ERICH6B: variants seen among roughly 807,000 people sequenced by gnomAD.
The protein encoded by ERICH6B is glutamate-rich protein 6B.
ERICH6B carries 69 observed loss-of-function variants against 80.0 expected under a neutral mutation model. The ratio of observed to expected loss-of-function variants is 0.86; its 90% CI spans 0.71 to 1.05. The LOEUF is 1.05. Among genes scored for constraint, ERICH6B ranks in the 50% least tolerant of loss-of-function variants. The pLI, the probability that ERICH6B is intolerant of heterozygous loss-of-function variation, is 0.00. For missense variants in ERICH6B, 754 were observed against 796.1 expected, an observed-to-expected ratio of 0.95 and a Z score of 0.64; for synonymous variants, 283 against 291.9, an observed-to-expected ratio of 0.97 and a Z score of 0.31.
In ERICH6B at chr13:45,574,864, T is replaced by C; in HGVS notation, c.1028A>G (p.Glu343Gly). 2.6e-6 allele frequency: 4 copies of C among 1,551,232 alleles called. No individual in the cohort carries two copies. Among genetic ancestry groups the C allele is most frequent in the Non-Finnish European group, 3.5e-6 (4 of 1,146,682 alleles). ...TACGTTTTCATCTAAATCTTCCACT[T>C]CCAGCTTGTCAATGGACTCATCTGT... ...GITDESIDKL[E>G]VEDLDENFLN... is the part of the protein sequence containing the mutation. The change falls in exon 8 of 15, where the codon GAA becomes GGA. Residue 343 changes from glutamate to glycine, a missense_variant. By Grantham distance (98) the Glu-to-Gly change is moderately conservative. Transcript: ENST00000298738.
At chr13:45,610,857 G>GTGAGTA (rs147422113) in intron 1 of ERICH6B, among the ~76,000 whole-genome samples, 6 of 146,972 alleles carry the variant, frequency 4.1e-5, no homozygotes, top group Admixed American at 6.9e-5. Flanking sequence ...GTGTGTGTGT[G>GTGAGTA]TATATATATA....
chr13:45,566,469 G>T lies in ERICH6B; in HGVS notation c.1187+1846C>A, dbSNP rs115185084. On this transcript the variant is annotated intron_variant, in intron 9 of 14. Transcript: ENST00000298738. ...AATGGTTTCATGGGCCAGGCCCAGG[G>T]TCCCTGTGTTGTGTGCGGCCTAGGG... 8.0e-3 allele frequency among the ~76,000 whole-genome samples: 1,220 copies of T among 152,356 alleles called. 16 individuals carry two copies. The highest frequency in any genetic ancestry group is 0.028 in the African/African-American group (1,166 of 41,576).
intron 7 of ERICH6B, among the ~76,000 whole-genome samples, chr13:45,577,521 A>G (rs1875468956): frequency 6.6e-6 from 1 of 151,964 alleles, no homozygotes; most frequent in African/African-American, 2.4e-5. Context: ...TGACCTCGTG[A>G]TCTGCCGGCC....
In ERICH6B at chr13:45,575,831, C is replaced by T. The variant is rs149981260; in HGVS notation, c.962-901G>A. Among the ~76,000 whole-genome samples, 1,051 of 152,242 alleles carry T rather than the reference C, an allele frequency of 6.9e-3. 8 individuals are homozygous for T. Among genetic ancestry groups the T allele is most frequent in the South Asian group, 7.1e-3 (34 of 4,808 alleles). On this transcript the variant is annotated intron_variant, in intron 7 of 14. Transcript: ENST00000298738. Reference sequence around the variant, plus strand: ...AGCTGAATTGTGGAATTGATCAGTACAGCTTGAGCCCTCTTCCATACTCCT... The same window carrying T: ...AGCTGAATTGTGGAATTGATCAGTATAGCTTGAGCCCTCTTCCATACTCCT...
chr13:45,597,775 A>G (rs889363282), intron 2 of ERICH6B, among the ~76,000 whole-genome samples: 5 of 152,098 alleles, frequency 3.3e-5, no homozygotes, highest in Non-Finnish European at 5.9e-5. Flanking sequence ...AATTGTTTGC[A>G]CGTTTGTTCT....
At chr13:45,597,310 TG>T (rs1876440181) in intron 2 of ERICH6B, among the ~76,000 whole-genome samples, 2 of 152,286 alleles carry the variant, frequency 1.3e-5, no homozygotes, top group South Asian at 4.2e-4. Context: ...ATGAAGTCAA[TG>T]GGGAGGGCTG....
intron 11 of ERICH6B, among the ~76,000 whole-genome samples, chr13:45,559,458 G>A (rs535622992): frequency 2.0e-5 from 3 of 151,768 alleles, no homozygotes; most frequent in Non-Finnish European, 2.9e-5. Flanking sequence ...ATTAGTTCTT[G>A]TTTCTCTAGT....
intron 2 of ERICH6B, among the ~76,000 whole-genome samples, chr13:45,601,305 A>T (rs1949825704): frequency 2.0e-5 from 3 of 152,148 alleles, no homozygotes; most frequent in Admixed American, 2.0e-4. Context: ...AGTACCAGCT[A>T]CTTGGGAGGC....
intron 5 of ERICH6B, among the ~76,000 whole-genome samples, chr13:45,583,834 C>G (rs1875779770): frequency 6.6e-6 from 1 of 152,282 alleles, no homozygotes; most frequent in South Asian, 2.1e-4. Flanking sequence ...AACTGTGAGT[C>G]CATTAAACAT....
intron 2 of ERICH6B, among the ~76,000 whole-genome samples, chr13:45,599,260 C>T (rs764357099): frequency 6.6e-6 from 1 of 152,248 alleles, no homozygotes; most frequent in Non-Finnish European, 1.5e-5. Flanking sequence ...ACCGGATCTG[C>T]CTGGGGCAGG....
At chr13:45,584,220 G>C (rs1875799571) in intron 5 of ERICH6B, among the ~76,000 whole-genome samples, 1 of 152,182 alleles carries the variant, frequency 6.6e-6, no homozygotes, top group Non-Finnish European at 1.5e-5. Context: ...TTATGATCCT[G>C]CTCTGTGCCT....
chr13:45,574,677 T>G (rs1316836549), intron 8 of ERICH6B, among the ~76,000 whole-genome samples, 165 bp downstream of exon 8: 2 of 152,164 alleles, frequency 1.3e-5, no homozygotes, highest in African/African-American at 4.8e-5. Context: ...TGTTGGAGTT[T>G]CTGGGTTGCT....
At chr13:45,591,768 A>T (rs1353056985) in intron 3 of ERICH6B, among the ~76,000 whole-genome samples, 1 of 152,204 alleles carries the variant, frequency 6.6e-6, no homozygotes, top group East Asian at 1.9e-4. Flanking sequence ...CCAAAAATGC[A>T]AACAATGGCG....
chr13:45,589,086 C>A (rs1391269070), intron 4 of ERICH6B, among the ~76,000 whole-genome samples: 1 of 152,178 alleles, frequency 6.6e-6, no homozygotes, highest in African/African-American at 2.4e-5. Context: ...CTTCCCCAAC[C>A]CTTGCCTGTC....
intron 13 of ERICH6B, among the ~76,000 whole-genome samples, chr13:45,549,459 T>C (rs1411947523): frequency 6.6e-6 from 1 of 152,122 alleles, no homozygotes; most frequent in Non-Finnish European, 1.5e-5. Flanking sequence ...AATGGGAACT[T>C]AAGAACTAAC....
rs1875942717 is a variant in ERICH6B, at chr13:45,587,152, T to G, written c.767A>C (p.Glu256Ala). 2 of 1,551,586 alleles carry G rather than the reference T, an allele frequency of 1.3e-6. No individual in the cohort carries two copies. The highest frequency in any genetic ancestry group is 2.7e-5 in the African/African-American group (2 of 73,112). ...CAACTCAGAAGACTCTGTGGCAGAT[T>G]CAGAGACAGGAGAAGGGGTAGCGAA... is the stretch of plus-strand genomic sequence containing the variant. The part of the protein sequence containing the change: ...LTFATPSPVS[E>A]SATESSELLL... The change falls in exon 5 of 15, where the codon GAA (glutamate) becomes GCA (alanine). Residue 256 changes from glutamate to alanine, a missense_variant. Coordinates refer to ENST00000298738, the MANE Select transcript of ERICH6B (RefSeq NM_182542.3).
In ERICH6B at chr13:45,568,332, T is replaced by G; in HGVS notation, c.1170A>C (p.Arg390Ser). ...TTACTTACATAATTACCAGTTTCCA[T>G]CTGTTTTCACTTTCCAGTAGCTTAG... ...PLTKLLESEN[R>S]WKLVIMLKKN... Residue 390 changes from arginine (R) to serine (S), a missense_variant, in exon 9 of 15, where the codon AGA (arginine) becomes AGC (serine). Arg to Ser is a moderately radical substitution (Grantham distance 110). Coordinates refer to ENST00000298738, the MANE Select transcript of ERICH6B (RefSeq NM_182542.3). 1 of 1,545,550 alleles carries G rather than the reference T, an allele frequency of 6.5e-7. No individual in the cohort carries two copies.
intron 11 of ERICH6B, among the ~76,000 whole-genome samples, chr13:45,560,194 C>T (rs1026245834): frequency 2.0e-5 from 3 of 152,160 alleles, no homozygotes; most frequent in Non-Finnish European, 4.4e-5. Context: ...AGAATAGCTA[C>T]TCCTTCTCGC....
At chr13:45,547,466 C>T (rs1874038530) in intron 13 of ERICH6B, among the ~76,000 whole-genome samples, 2 of 152,182 alleles carry the variant, frequency 1.3e-5, no homozygotes, top group Admixed American at 1.3e-4. Flanking sequence ...ACAAAAGACC[C>T]AAGAAGCTCC....
Sources: gnomAD v4.1 joint callset for allele counts (sites outside exome capture counted in the v4.1 genomes callset) on GRCh38, gnomAD v4.1.1 for gene constraint, MANE v1.5 for transcripts, NCBI Gene and HGNC (gene_info 2026-07-23, HGNC 2026-07-21) for gene names.